MACROD2: variants seen among roughly 807,000 people sequenced by gnomAD.
The protein encoded by MACROD2 is mono-ADP ribosylhydrolase 2, also known as ADP-ribose glycohydrolase MACROD2.
A neutral mutation model predicts 70.4 loss-of-function variants in MACROD2; 36 were observed. The observed-to-expected ratio is 0.51, with a 90% CI of 0.39 to 0.68. MACROD2 has a LOEUF of 0.68. MACROD2 is among the 30% of genes least tolerant of loss of function. The pLI, the probability that MACROD2 is intolerant of heterozygous loss-of-function variation, is 0.00. For missense variants in MACROD2, 496 were observed against 538.4 expected, an observed-to-expected ratio of 0.92 and a Z score of 0.78; for synonymous variants, 172 against 178.8, an observed-to-expected ratio of 0.96 and a Z score of 0.30.
intron 8 of MACROD2, among the ~76,000 whole-genome samples, chr20:15,547,424 T>C (rs2048039528): frequency 6.6e-6 from 1 of 152,148 alleles, no homozygotes; most frequent in Non-Finnish European, 1.5e-5. Flanking sequence ...TAACAATCTG[T>C]CCATGATGAC....
chr20:14,055,737 A>C (rs1004606607), intron 2 of MACROD2, among the ~76,000 whole-genome samples: 1 of 56,194 alleles, frequency 1.8e-5, no homozygotes, highest in Non-Finnish European at 3.4e-5. Flanking sequence ...AGTAGGGATC[A>C]GTACTGTTTT....
intron 5 of MACROD2, among the ~76,000 whole-genome samples, chr20:15,189,456 T>A (rs891201686): frequency 6.6e-6 from 1 of 152,072 alleles, no homozygotes; most frequent in Non-Finnish European, 1.5e-5. Flanking sequence ...GCATGAAAAA[T>A]TTCACTTGTA....
rs1600485203 is a variant in MACROD2, at chr20:15,489,159, C to T, written c.572-10615C>T. Among the ~76,000 whole-genome samples the T allele has an allele frequency of 3.3e-5, 5 of 152,196 alleles. No individual in the cohort carries two copies. In the South Asian group the frequency reaches 1.0e-3, roughly 32 times the overall value. The stretch of plus-strand genomic sequence containing the variant: ...AAATGAAAGAAAAAGTGTCTCAAGA[C>T]CAAAGCTGAATATAGTAGAATTTAT... On this transcript the variant is annotated intron_variant, in intron 7 of 17. Transcript: ENST00000684519.
chr20:15,926,319 C>G (rs1274390489), intron 10 of MACROD2, among the ~76,000 whole-genome samples: 1 of 152,136 alleles, frequency 6.6e-6, no homozygotes, highest in Non-Finnish European at 1.5e-5. Flanking sequence ...TGTGAACTAT[C>G]CAGACAAGGC....
intron 10 of MACROD2, among the ~76,000 whole-genome samples, chr20:15,907,796 G>T (rs1014016309): frequency 2.0e-5 from 3 of 152,156 alleles, no homozygotes; most frequent in African/African-American, 7.2e-5. Context: ...CTAAAGAGTA[G>T]AGGTCAGGAA....
chr20:14,631,339 G>A (rs577762205), intron 4 of MACROD2, among the ~76,000 whole-genome samples: 18 of 152,120 alleles, frequency 1.2e-4, no homozygotes, highest in Non-Finnish European at 2.4e-4. Context: ...TTTTGTTCAC[G>A]GTTTCTGCTT....
At chr20:15,002,096 A>G (rs112324695) in intron 5 of MACROD2, among the ~76,000 whole-genome samples, 11,509 of 152,190 alleles carry the variant, frequency 0.076, 878 homozygotes, top group African/African-American at 0.19. Flanking sequence ...TATCTTTTTC[A>G]TATAATGACT....
intron 8 of MACROD2, among the ~76,000 whole-genome samples, chr20:15,561,173 A>G (rs183320721): frequency 6.6e-6 from 1 of 152,266 alleles, no homozygotes; most frequent in Non-Finnish European, 1.5e-5. Context: ...CACAGCCTTC[A>G]CCTCCTTTGC....
intron 5 of MACROD2, among the ~76,000 whole-genome samples, chr20:15,107,885 A>G (rs975868716): frequency 4.6e-5 from 7 of 152,162 alleles, no homozygotes; most frequent in African/African-American, 1.7e-4. Flanking sequence ...AGACTTTTCC[A>G]AAGACATGGA....
intron 3 of MACROD2, among the ~76,000 whole-genome samples, chr20:14,307,120 A>G (rs2082527853): frequency 6.6e-6 from 1 of 152,116 alleles, no homozygotes; most frequent in East Asian, 1.9e-4. Context: ...AAAGTTATGG[A>G]TGACTTACTG....
chr20:14,049,783 C>G (rs900807520), intron 2 of MACROD2, among the ~76,000 whole-genome samples: 2 of 149,132 alleles, frequency 1.3e-5, no homozygotes, highest in Non-Finnish European at 3.0e-5. Flanking sequence ...CTAAACTAAA[C>G]AAACAAAAAA....
chr20:15,587,408 C>T (rs780544047), intron 8 of MACROD2, among the ~76,000 whole-genome samples: 1 of 152,120 alleles, frequency 6.6e-6, no homozygotes, highest in Non-Finnish European at 1.5e-5. Context: ...GCCCCTGGCT[C>T]CTCCAAATCT....
intron 5 of MACROD2, among the ~76,000 whole-genome samples, chr20:14,694,174 C>T (rs532890498): frequency 6.6e-6 from 1 of 152,280 alleles, no homozygotes; most frequent in South Asian, 2.1e-4. Context: ...ATAGTTCATA[C>T]ATTTTTGAAA....
intron 4 of MACROD2, among the ~76,000 whole-genome samples, chr20:14,582,386 T>C (rs1013213440): frequency 6.6e-6 from 1 of 152,186 alleles, no homozygotes; most frequent in Non-Finnish European, 1.5e-5. Context: ...CCCCATGCTT[T>C]CGTCTGCTGC....
At chr20:15,121,436 C>T (rs2123249330) in intron 5 of MACROD2, among the ~76,000 whole-genome samples, 1 of 150,448 alleles carries the variant, frequency 6.6e-6, no homozygotes, top group South Asian at 2.1e-4. Flanking sequence ...TCGCTTGAAC[C>T]CAGGAGGCAG....
At chr20:15,257,701 CAT>C (rs1296961775) in intron 6 of MACROD2, among the ~76,000 whole-genome samples, 1 of 151,974 alleles carries the variant, frequency 6.6e-6, no homozygotes, top group African/African-American at 2.4e-5. Context: ...ATGTACAGCA[CAT>C]ATATATGTAT....
intron 6 of MACROD2, among the ~76,000 whole-genome samples, chr20:15,285,404 C>G (rs1249373969): frequency 6.6e-6 from 1 of 152,204 alleles, no homozygotes; most frequent in Non-Finnish European, 1.5e-5. Context: ...AATGCAAACT[C>G]AGTCTCTCAA....
At chr20:15,679,109 T>C (rs1308351664) in intron 8 of MACROD2, among the ~76,000 whole-genome samples, 1 of 151,884 alleles carries the variant, frequency 6.6e-6, no homozygotes, top group South Asian at 2.1e-4. Context: ...TAGTGGCACA[T>C]GTCTATAGTC....
At chr20:15,840,315 T>C (rs9941762) in intron 8 of MACROD2, among the ~76,000 whole-genome samples, 74 of 152,316 alleles carry the variant, frequency 4.9e-4, no homozygotes, top group Middle Eastern at 3.4e-3. Context: ...TCCCATGTTA[T>C]GGTGAGCTGG....
Sources: gnomAD v4.1 joint callset for allele counts (sites outside exome capture counted in the v4.1 genomes callset) on GRCh38, gnomAD v4.1.1 for gene constraint, MANE v1.5 for transcripts, NCBI Gene and HGNC (gene_info 2026-07-23, HGNC 2026-07-21) for gene names.